Variants in RNLS observed in about 807,000 individuals in gnomAD.
RNLS encodes renalase.
In RNLS, 39 loss-of-function variants were observed where a neutral mutation model predicts 39.8. The observed-to-expected ratio is 0.98, with a 90% CI of 0.76 to 1.28. RNLS has a LOEUF of 1.28. Among genes scored for constraint, RNLS ranks in the 50% most tolerant of loss-of-function variants. The pLI is 0.00. For synonymous variants in RNLS, 147 were observed against 150.7 expected (o/e 0.98, Z 0.18); for missense variants, 410 against 413.3 (o/e 0.99, Z 0.07).
chr10:88,390,415 G>A (rs933664072), intron 4 of RNLS, among the ~76,000 whole-genome samples: 2 of 152,084 alleles, frequency 1.3e-5, no homozygotes, highest in African/African-American at 2.4e-5. Context: ...AGATAAAAGA[G>A]GGGAAAAAAG....
intron 4 of RNLS, among the ~76,000 whole-genome samples, chr10:88,379,535 C>G (rs958837946): frequency 3.9e-5 from 6 of 152,106 alleles, no homozygotes; most frequent in Admixed American, 3.9e-4. Context: ...TAAGTGGTTT[C>G]TAGGTATTTA....
At chr10:88,472,981 T>C (rs2133984978) in intron 4 of RNLS, among the ~76,000 whole-genome samples, 1 of 152,334 alleles carries the variant, frequency 6.6e-6, no homozygotes, top group Non-Finnish European at 1.5e-5. Flanking sequence ...GCAATTTTGT[T>C]GTTTTGCAAA....
chr10:88,534,375 G>A (rs1437640767), intron 4 of RNLS, among the ~76,000 whole-genome samples: 1 of 152,034 alleles, frequency 6.6e-6, no homozygotes, highest in Non-Finnish European at 1.5e-5. Context: ...TTTTAAAATA[G>A]GAGACAGCAG....
intron 6 of RNLS, among the ~76,000 whole-genome samples, chr10:88,302,304 T>A (rs1844588442): frequency 6.6e-6 from 1 of 152,204 alleles, no homozygotes; most frequent in Non-Finnish European, 1.5e-5. Context: ...GAGCTTGATT[T>A]TATTATGGAA....
the RNLS span, among the ~76,000 whole-genome samples, chr10:88,240,078 A>T: frequency 2.6e-5 from 4 of 152,268 alleles, no homozygotes; most frequent in African/African-American, 9.6e-5. Flanking sequence ...AAATGGAGAC[A>T]TCTTTCCTTC....
At chr10:88,228,256 A>G in the RNLS span, among the ~76,000 whole-genome samples, 7 of 152,188 alleles carry the variant, frequency 4.6e-5, no homozygotes, top group South Asian at 2.1e-4. Context: ...TTTCTTGTAC[A>G]TGCAATGGCC....
chr10:88,371,647 A>G (rs2133433970), intron 4 of RNLS, among the ~76,000 whole-genome samples: 1 of 152,286 alleles, frequency 6.6e-6, no homozygotes, highest in South Asian at 2.1e-4. Context: ...TCTTAATCCT[A>G]TCTCACAATC....
At chr10:88,488,836 T>C (rs77434631) in intron 4 of RNLS, among the ~76,000 whole-genome samples, 2 of 152,190 alleles carry the variant, frequency 1.3e-5, no homozygotes, top group Non-Finnish European at 2.9e-5. Flanking sequence ...ATTTGGGTCA[T>C]AGTTGCGAAT....
At chr10:88,568,225 C>T (rs1179010163) in intron 4 of RNLS, among the ~76,000 whole-genome samples, 1 of 152,100 alleles carries the variant, frequency 6.6e-6, no homozygotes, top group African/African-American at 2.4e-5. Flanking sequence ...CCAGCTCCAT[C>T]ATGACCTTTT....
intron 4 of RNLS, among the ~76,000 whole-genome samples, chr10:88,397,367 C>T (rs1308462951): frequency 1.3e-5 from 2 of 151,886 alleles, no homozygotes; most frequent in East Asian, 3.9e-4. Context: ...TTAAGCAACA[C>T]ACACCTAAAT....
intron 5 of RNLS, among the ~76,000 whole-genome samples, chr10:88,316,709 C>T (rs1845791104): frequency 6.6e-6 from 1 of 152,158 alleles, no homozygotes; most frequent in African/African-American, 2.4e-5. Flanking sequence ...CCATCCACTC[C>T]ACGGAGAGCA....
At chr10:88,291,180 C>G (rs1843649881) in intron 6 of RNLS, among the ~76,000 whole-genome samples, 1 of 152,126 alleles carries the variant, frequency 6.6e-6, no homozygotes, top group Non-Finnish European at 1.5e-5. Flanking sequence ...CAATGCATGA[C>G]AAGTCAAAAG....
At chr10:88,208,109 A>G in the RNLS span, among the ~76,000 whole-genome samples, 8 of 152,230 alleles carry the variant, frequency 5.3e-5, no homozygotes, top group Non-Finnish European at 7.4e-5. Flanking sequence ...CTGTCTCTCT[A>G]TAGGCGAATT....
intron 4 of RNLS, among the ~76,000 whole-genome samples, chr10:88,442,970 T>C (rs757314275): frequency 3.9e-5 from 6 of 152,228 alleles, no homozygotes; most frequent in Non-Finnish European, 7.3e-5. Flanking sequence ...AATTTGGCGT[T>C]CCCTGTTCCA....
At chr10:88,452,282 A>G (rs1842401736) in intron 4 of RNLS, among the ~76,000 whole-genome samples, 1 of 152,218 alleles carries the variant, frequency 6.6e-6, no homozygotes, top group Admixed American at 6.5e-5. Context: ...TTAGGGTTCA[A>G]AAGTGGGAAC....
the RNLS span, among the ~76,000 whole-genome samples, chr10:88,197,305 T>A: frequency 6.6e-6 from 1 of 152,232 alleles, no homozygotes; most frequent in Non-Finnish European, 1.5e-5. Flanking sequence ...AAGACTGTTT[T>A]CTTTTAGCAT....
At chr10:88,381,418 AT>A (rs1851483780) in intron 4 of RNLS, among the ~76,000 whole-genome samples, 1 of 151,964 alleles carries the variant, frequency 6.6e-6, no homozygotes, top group African/African-American at 2.4e-5. Context: ...AAAATACAAT[AT>A]TTTCAAATTG....
chr10:88,266,642 A>G, the RNLS span, among the ~76,000 whole-genome samples: 2 of 150,658 alleles, frequency 1.3e-5, no homozygotes, highest in African/African-American at 2.4e-5. Context: ...CATTGTTTTT[A>G]TCATGTCACA....
At chr10:88,479,793 C>CTTTTTTT (rs11293313) in intron 4 of RNLS, among the ~76,000 whole-genome samples, 1 of 139,322 alleles carries the variant, frequency 7.2e-6, no homozygotes. Flanking sequence ...TTCTTTTTTT[C>CTTTTTTT]TTTTTTTTTT....
Sources: allele counts gnomAD v4.1 joint callset (sites outside exome capture counted in the v4.1 genomes callset), GRCh38; gene constraint gnomAD v4.1.1; transcripts MANE v1.5; gene names NCBI Gene and HGNC (gene_info 2026-07-23, HGNC 2026-07-21).